Variants in SLC24A2 observed in about 807,000 individuals in gnomAD.
The protein encoded by SLC24A2 is solute carrier family 24 member 2.
SLC24A2 carries 36 observed loss-of-function variants against 62.0 expected under a neutral mutation model. The ratio of observed to expected loss-of-function variants is 0.58; its 90% CI spans 0.44 to 0.77. SLC24A2 has a LOEUF of 0.77. Ranked by LOEUF, SLC24A2 falls within the 30% of genes least tolerant of loss-of-function variation. The probability of loss-of-function intolerance (pLI) is 0.00; values close to 1 mark genes in which losing one functional copy is unlikely to be tolerated. For synonymous variants in SLC24A2, 358 were observed against 294.0 expected (o/e 1.22, Z -2.23); for missense variants, 846 against 817.9 (o/e 1.03, Z -0.42).
the SLC24A2 span, among the ~76,000 whole-genome samples, chr9:19,878,959 T>C: frequency 9.9e-5 from 15 of 151,988 alleles, no homozygotes; most frequent in Non-Finnish European, 2.1e-4. Flanking sequence ...AAGACAACAC[T>C]CCATAATTCA....
At chr9:19,739,091 G>A (rs572221270) in intron 2 of SLC24A2, among the ~76,000 whole-genome samples, 1 of 152,126 alleles carries the variant, frequency 6.6e-6, no homozygotes, top group African/African-American at 2.4e-5. Flanking sequence ...CACTCCATCC[G>A]GGGTGACAGA....
At chr9:19,709,816 G>A (rs1165192385) in intron 2 of SLC24A2, among the ~76,000 whole-genome samples, 1 of 149,876 alleles carries the variant, frequency 6.7e-6, no homozygotes, top group Non-Finnish European at 1.5e-5. Flanking sequence ...GGAGTTAATG[G>A]GTGCAGCACA....
the SLC24A2 span, among the ~76,000 whole-genome samples, chr9:19,946,727 C>G: frequency 3.9e-5 from 6 of 152,226 alleles, no homozygotes; most frequent in African/African-American, 1.4e-4. Context: ...TCCACACATT[C>G]TGAGATTTTT....
chr9:19,550,084 T>C, intron 8 of SLC24A2, 53 bp downstream of exon 8: 1 of 1,583,184 alleles, frequency 6.3e-7, no homozygotes, highest in Non-Finnish European at 8.7e-7. Context: ...CTATGCACCC[T>C]GTTATGTACC....
the SLC24A2 span, among the ~76,000 whole-genome samples, chr9:20,251,235 ACT>A: frequency 6.6e-6 from 1 of 152,012 alleles, no homozygotes; most frequent in East Asian, 1.9e-4. Flanking sequence ...AGCCTCTCAT[ACT>A]CTTAGGTGTT....
Position 19,632,616 on chromosome 9 carries a change from T to C in SLC24A2, c.931-10317A>G, listed in dbSNP as rs985900507. Among the ~76,000 whole-genome samples, 1 of 152,218 alleles carries C rather than the reference T, an allele frequency of 6.6e-6. No homozygotes were observed. Among genetic ancestry groups the C allele is most frequent in the Admixed American group, 6.5e-5 (1 of 15,278 alleles). ...TCATAATCTTAGGTGGCAGGTATTATTAGGAAACATTTTTAATAACTTCTT... is the reference window on the plus strand; with the variant it reads ...TCATAATCTTAGGTGGCAGGTATTACTAGGAAACATTTTTAATAACTTCTT... On this transcript the variant is annotated intron_variant, in intron 2 of 10. Coordinates refer to ENST00000341998, the MANE Select transcript of SLC24A2 (RefSeq NM_020344.4). This position sits in a 1 kb window ranked among gnomAD's most constrained non-coding sequence, Gnocchi z 4.5.
chr9:19,701,252 A>G (rs913303474), intron 2 of SLC24A2, among the ~76,000 whole-genome samples: 1 of 152,236 alleles, frequency 6.6e-6, no homozygotes, highest in Non-Finnish European at 1.5e-5. Context: ...GAAGAGGCAG[A>G]TAAAAGACAT....
At chr9:19,938,034 T>C in the SLC24A2 span, among the ~76,000 whole-genome samples, 1 of 152,216 alleles carries the variant, frequency 6.6e-6, no homozygotes, top group Non-Finnish European at 1.5e-5. Context: ...TTGCATTTAT[T>C]AATAGCATTA....
At chr9:19,555,612 G>T (rs910173845) in intron 7 of SLC24A2, among the ~76,000 whole-genome samples, 1 of 152,196 alleles carries the variant, frequency 6.6e-6, no homozygotes, top group Non-Finnish European at 1.5e-5. Context: ...ACATTCTTCA[G>T]TGGTGTAATA....
At chr9:20,110,461 T>C in the SLC24A2 span, among the ~76,000 whole-genome samples, 3 of 151,982 alleles carry the variant, frequency 2.0e-5, no homozygotes, top group East Asian at 3.9e-4. Flanking sequence ...AAATGCACTT[T>C]TTTTTTTCAC....
the SLC24A2 span, among the ~76,000 whole-genome samples, chr9:20,148,207 G>A: frequency 6.9e-6 from 1 of 145,748 alleles, no homozygotes; most frequent in Non-Finnish European, 1.5e-5. Flanking sequence ...AATGAGATAT[G>A]TAAATATATA....
chr9:19,542,613 G>T (rs971676486), intron 8 of SLC24A2, among the ~76,000 whole-genome samples: 1 of 152,144 alleles, frequency 6.6e-6, no homozygotes, highest in Non-Finnish European at 1.5e-5. Context: ...CGTTCAATCA[G>T]TGCCTACTTT....
the SLC24A2 span, among the ~76,000 whole-genome samples, chr9:20,244,915 C>G: frequency 6.6e-6 from 1 of 152,154 alleles, no homozygotes; most frequent in Non-Finnish European, 1.5e-5. Context: ...TTGCTCACAT[C>G]TCATTTTAAA....
the SLC24A2 span, among the ~76,000 whole-genome samples, chr9:19,836,456 G>A: frequency 9.6e-4 from 146 of 152,240 alleles, 1 homozygote; most frequent in African/African-American, 1.7e-3. Context: ...ACACCTCTAC[G>A]CAAATGAACT....
At chr9:20,088,833 G>C in the SLC24A2 span, among the ~76,000 whole-genome samples, 7 of 151,232 alleles carry the variant, frequency 4.6e-5, no homozygotes, top group Non-Finnish European at 1.0e-4. Context: ...TAATTCCCTG[G>C]AACAGAGCTC....
chr9:20,115,999 A>C, the SLC24A2 span, among the ~76,000 whole-genome samples: 1 of 152,218 alleles, frequency 6.6e-6, no homozygotes, highest in Non-Finnish European at 1.5e-5. Flanking sequence ...CTTAAGCAGC[A>C]TTAAACACAA....
intron 2 of SLC24A2, among the ~76,000 whole-genome samples, chr9:19,751,184 T>A (rs541386237): frequency 6.6e-6 from 1 of 152,168 alleles, no homozygotes; most frequent in African/African-American, 2.4e-5. Context: ...GCAGTAAAAG[T>A]TATTGTAGCC....
At chr9:19,597,044 T>C (rs1836722123) in intron 5 of SLC24A2, among the ~76,000 whole-genome samples, 185 bp downstream of exon 5, 1 of 152,146 alleles carries the variant, frequency 6.6e-6, no homozygotes, top group Admixed American at 6.6e-5. Context: ...TTACCCATGG[T>C]ATTGCACGTC....
At chr9:20,190,826 A>G in the SLC24A2 span, among the ~76,000 whole-genome samples, 1 of 152,238 alleles carries the variant, frequency 6.6e-6, no homozygotes, top group African/African-American at 2.4e-5. Context: ...GAGTGTTTTC[A>G]TCTTTAAAAA....
Sources: gnomAD v4.1 joint callset for allele counts (sites outside exome capture counted in the v4.1 genomes callset) on GRCh38, gnomAD v4.1.1 for gene constraint, Gnocchi (gnomAD v3.1) non-coding constraint, MANE v1.5 for transcripts, NCBI Gene and HGNC (gene_info 2026-07-23, HGNC 2026-07-21) for gene names.